FRMD1: variants seen among roughly 807,000 people sequenced by gnomAD.
FRMD1 encodes the protein FERM domain containing 1, also known as FERM domain-containing protein 1.
A neutral mutation model predicts 54.9 loss-of-function variants in FRMD1; 51 were observed. That is an observed-to-expected ratio of 0.93 (90% CI 0.74 to 1.17). The LOEUF is 1.17. Ranked by LOEUF, FRMD1 falls within the 50% of genes most tolerant of loss-of-function variation. The pLI is 0.00. For synonymous variants in FRMD1, 324 were observed against 306.4 expected, an observed-to-expected ratio of 1.06 and a Z score of -0.60; for missense variants, 729 against 743.0, an observed-to-expected ratio of 0.98 and a Z score of 0.22.
At chr6:168,080,887 G>A (rs370009007), upstream of FRMD1, among the ~76,000 whole-genome samples, 1 of 152,102 alleles carries the variant, frequency 6.6e-6, no homozygotes, top group African/African-American at 2.4e-5. Flanking sequence ...GTGTGTGGGC[G>A]CTGGTGTGTG....
intron 1 of FRMD1, among the ~76,000 whole-genome samples, chr6:168,078,635 T>A (rs1800706126): frequency 1.3e-5 from 1 of 76,140 alleles, no homozygotes; most frequent in South Asian, 5.6e-4. Flanking sequence ...CCCACAGCCT[T>A]GCTCACCCCC....
upstream of FRMD1, among the ~76,000 whole-genome samples, chr6:168,082,667 C>T (rs1336142352): frequency 1.3e-5 from 2 of 152,166 alleles, no homozygotes; most frequent in Admixed American, 6.5e-5. Context: ...ATTCCCGAGA[C>T]CCACCGCAAA....
rs750761748 is a variant in FRMD1, at chr6:168,065,038, G to A, written c.481C>T (p.Leu161=). The change falls in exon 5 of 11, where the codon CTG becomes TTG. Residue 161 remains leucine (L), a synonymous_variant. Coordinates refer to ENST00000283309, the MANE Select transcript of FRMD1 (RefSeq NM_024919.6). ...RVISDHRARH[L]YYCHLKERVL... Reference sequence around the variant, plus strand: ...CGCTCCTTCAAGTGGCAGTAGTACAGGTGCCGTGCCCTGTGGTCGCTGGAA... The same window carrying A: ...CGCTCCTTCAAGTGGCAGTAGTACAAGTGCCGTGCCCTGTGGTCGCTGGAA... The A allele has an allele frequency of 1.2e-6, 2 of 1,606,388 alleles. No homozygotes were observed. The highest frequency in any genetic ancestry group is 1.7e-6 in the Non-Finnish European group (2 of 1,175,660).
At chr6:168,075,389 A>T (rs1800539324) in intron 1 of FRMD1, 54 bp from the exon 2 acceptor site, 2 of 1,453,326 alleles carry the variant, frequency 1.4e-6, no homozygotes, top group Non-Finnish European at 9.6e-7. Context: ...GTCCCCAGGG[A>T]GGCCACCTCA....
chr6:168,067,387 A>G lies in FRMD1; in HGVS notation c.364T>C (p.Trp122Arg). The G allele has an allele frequency of 6.2e-7, 1 of 1,603,236 alleles. No individual in the cohort carries two copies. The highest frequency in any genetic ancestry group is 8.5e-7 in the Non-Finnish European group (1 of 1,174,468). Residue 122 changes from tryptophan (W) to arginine (R), a missense_variant, in exon 3 of 11, where the codon TGG becomes CGG. Coordinates refer to ENST00000283309, the MANE Select transcript of FRMD1 (RefSeq NM_024919.6). The stretch of plus-strand genomic sequence containing the variant: ...CTTACTTCATTTCTTTCTTTCTTCC[A>G]ATCTTTTGAGAAGTACTTGCTGAGC... ...QKLSKYFSKD[W>R]KKERNEGNEK...
intron 1 of FRMD1, among the ~76,000 whole-genome samples, chr6:168,086,906 G>A (rs1375351828): frequency 6.6e-6 from 1 of 152,228 alleles, no homozygotes; most frequent in Non-Finnish European, 1.5e-5. Context: ...TTTGCCTGGA[G>A]TGAGCCACCC....
chr6:168,079,175 G>T lies in FRMD1; in HGVS notation c.-81C>A. The T allele has an allele frequency of 6.9e-7, 1 of 1,446,510 alleles. No individual in the cohort carries two copies. The highest frequency in any genetic ancestry group is 9.1e-7 in the Non-Finnish European group (1 of 1,101,634). 89.6% of individuals were successfully genotyped at this position (1,446,510 alleles called of 1,614,324 possible). ...CCCAGATCACAGCTGTGCTTTCCGG[G>T]ACCCGCCCTTGCCGAGCTTCTCACT... is the stretch of plus-strand genomic sequence containing the variant. On this transcript the variant is annotated 5_prime_UTR_variant, in exon 1 of 11. Transcript: ENST00000283309.
Position 168,075,883 on chromosome 6 carries a change from AT to A in FRMD1, c.214-549del. 8 of 545,662 alleles carry A rather than the reference AT, an allele frequency of 1.5e-5. 1 individual carries two copies. Among genetic ancestry groups the A allele is most frequent in the South Asian group, 3.1e-5 (1 of 32,074 alleles). 33.8% of individuals were successfully genotyped at this position (545,662 alleles called of 1,614,324 possible). A position where few individuals can be genotyped will look rare whatever the true frequency, so the allele number is the denominator to read the frequency against. The stretch of plus-strand genomic sequence containing the variant: ...CACATTTCCGGTGCCCGGTGTCCAC[AT>A]TTCCGGCGTCCCGTGTCCACATTTC... On this transcript the variant is annotated intron_variant, in intron 1 of 10. Transcript: ENST00000283309.
upstream of FRMD1, chr6:168,081,510 C>G (rs1490376042): frequency 1.3e-6 from 2 of 1,530,164 alleles, no homozygotes; most frequent in South Asian, 1.2e-5. Context: ...CGGCCCAACT[C>G]TCTCTTCTTC....
intron 1 of FRMD1, among the ~76,000 whole-genome samples, chr6:168,077,564 G>A (rs1010536768): frequency 5.3e-5 from 8 of 152,228 alleles, no homozygotes; most frequent in African/African-American, 9.6e-5. Flanking sequence ...CGCACACCCC[G>A]ATAGGAAGTG....
rs1291551327 is a variant in FRMD1, at chr6:168,088,960, G to A, written c.-11-9936C>T. Among the ~76,000 whole-genome samples the A allele has an allele frequency of 6.6e-5, 7 of 105,530 alleles. No individual in the cohort carries two copies. The South Asian group carries it at 2.6e-3, about 39-fold the overall frequency. The allele number at this position is 105,530 out of a possible 152,430, so 69.2% of individuals were successfully genotyped here. A position where few individuals can be genotyped will look rare whatever the true frequency, so the allele number is the denominator to read the frequency against. On this transcript the variant is annotated intron_variant, in intron 1 of 12. Transcript: ENST00000644440. ...GCCTGCTCTCAGACACTGATCACAC[G>A]TGCCCTGCTGAGAGCCCAAGTCCTC...
chr6:168,065,859 C>A, intron 4 of FRMD1: 1 of 1,000,172 alleles, frequency 1.0e-6, no homozygotes, highest in Non-Finnish European at 1.2e-6. Context: ...CCTGGGAAAC[C>A]CCCTTAGGTT....
rs747971553 is a variant in FRMD1, at chr6:168,061,039, T to TC, written c.1063dup (p.Glu355GlyfsTer7). 1.2e-6 allele frequency: 2 copies of TC among 1,610,308 alleles called. No individual in the cohort carries two copies. Among genetic ancestry groups the TC allele is most frequent in the Admixed American group, 3.3e-5 (2 of 59,822 alleles). On this transcript the variant is annotated frameshift_variant, in exon 9 of 11. Coordinates refer to ENST00000283309, the MANE Select transcript of FRMD1 (RefSeq NM_024919.6). LOFTEE classifies it high-confidence loss of function. Reference sequence around the variant, plus strand: ...CTCCAGCTCATCGCTGATATAGGACTCCCGGTAGTGCTGCTTCTCTGTGGG... The same window carrying TC: ...CTCCAGCTCATCGCTGATATAGGACTCCCCGGTAGTGCTGCTTCTCTGTGGG...
intron 4 of FRMD1, 31 bp from the exon 5 acceptor site, chr6:168,065,088 C>T (rs775237156): frequency 3.9e-5 from 61 of 1,578,298 alleles, no homozygotes; most frequent in Middle Eastern, 3.5e-4. Context: ...AGTTCCAGGA[C>T]GACCGGTGTG....
At chr6:168,075,380 T>TCC in intron 1 of FRMD1, 45 bp from the exon 2 acceptor site, 1 of 1,532,100 alleles carries the variant, frequency 6.5e-7, no homozygotes, top group African/African-American at 1.4e-5. Flanking sequence ...CCGGCACCTG[T>TCC]CCCCAGGGAG....
chr6:168,093,011 G>A (rs1801039114), intron 1 of FRMD1: 1 of 152,302 alleles, frequency 6.6e-6, no homozygotes. Flanking sequence ...CGTGGTGAAA[G>A]GTGAAGGAGG....
chr6:168,079,019 G>T lies in FRMD1; in HGVS notation c.76C>A (p.Arg26=). 6.2e-7 allele frequency: 1 copy of T among 1,612,106 alleles called. No individual in the cohort carries two copies. Among genetic ancestry groups the T allele is most frequent in the Non-Finnish European group, 8.5e-7 (1 of 1,179,970 alleles). The change falls in exon 1 of 11, where the codon CGA becomes AGA. Residue 26 remains arginine, a synonymous_variant. Transcript: ENST00000283309. The part of the protein sequence containing the change: ...NPDTFPPSGA[R]CMEPSPERPA... ...CTCTCAGGACTGGGTTCCATACATCGCGCCCCTGAAGGAGGGAACGTGTCA... is the reference window on the plus strand; with the variant it reads ...CTCTCAGGACTGGGTTCCATACATCTCGCCCCTGAAGGAGGGAACGTGTCA...
chr6:168,064,080 G>A (rs1043280440), intron 5 of FRMD1, among the ~76,000 whole-genome samples: 4 of 152,204 alleles, frequency 2.6e-5, no homozygotes, highest in Non-Finnish European at 5.9e-5. Flanking sequence ...GGACCAGCTG[G>A]GGCCATCACC....
chr6:168,073,936 G>A (rs1052897167), intron 2 of FRMD1, among the ~76,000 whole-genome samples: 2 of 152,012 alleles, frequency 1.3e-5, no homozygotes, highest in African/African-American at 4.8e-5. Context: ...GCAAGACAGG[G>A]GGATATTCAG....
Sources: allele counts gnomAD v4.1 joint callset (sites outside exome capture counted in the v4.1 genomes callset), GRCh38; gene constraint gnomAD v4.1.1; transcripts MANE v1.5; gene names NCBI Gene and HGNC (gene_info 2026-07-23, HGNC 2026-07-21).